Variants in SMPD1 observed in about 807,000 individuals in gnomAD.
The protein encoded by SMPD1 is sphingomyelin phosphodiesterase 1.
Under a neutral mutation model 49.7 loss-of-function variants are expected in SMPD1, and 47 were observed. The observed-to-expected ratio is 0.95, with a 90% CI of 0.75 to 1.21. SMPD1 has a LOEUF of 1.21. Among genes scored for constraint, SMPD1 ranks in the 50% most tolerant of loss-of-function variants. The pLI is 0.00. For synonymous variants in SMPD1, 336 were observed against 339.6 expected (o/e 0.99, Z 0.12); for missense variants, 811 against 822.2 (o/e 0.99, Z 0.17).
Position 6,390,614 on chromosome 11 carries a change from G to A in SMPD1, c.16G>A (p.Ala6Thr), listed in dbSNP as rs1357318633. 4 of 1,612,470 alleles carry A rather than the reference G, an allele frequency of 2.5e-6. No individual in the cohort carries two copies. ...AAGCGCGACAATGCCCCGCTACGGAGCGTCACTCCGCCAGAGCTGCCCCAG... is the reference window on the plus strand; with the variant it reads ...AAGCGCGACAATGCCCCGCTACGGAACGTCACTCCGCCAGAGCTGCCCCAG... Reference protein sequence around the residue: MPRYGASLRQSCPRSG... With the variant: MPRYGTSLRQSCPRSG... The change falls in exon 1 of 6, where the codon GCG becomes ACG. Residue 6 changes from alanine (A) to threonine (T), a missense_variant. Coordinates refer to ENST00000342245, the MANE Select transcript of SMPD1 (RefSeq NM_000543.5).
chr11:6,391,632 A>G lies in SMPD1; in HGVS notation c.567A>G (p.Lys189=), dbSNP rs750187574. Residue 189 remains lysine (K), a synonymous_variant, in exon 2 of 6, where the codon AAA becomes AAG. Transcript: ENST00000342245. ...CTACTGTGCCGAAGCCGCCCCCCAA[A>G]CCCCCTAGCCCCCCAGCCCCAGGTG... ...SLPTVPKPPP[K]PPSPPAPGAP... is the part of the protein sequence containing the mutation. 126 of 1,497,818 alleles carry G rather than the reference A, an allele frequency of 8.4e-5. 1 individual carries two copies. The South Asian group carries it at 8.4e-4, about 10-fold the overall frequency. The allele number at this position is 1,497,818 out of a possible 1,614,324, so 92.8% of individuals were successfully genotyped here.
At position 6,394,890 on chromosome 11, in the gene SMPD1, CAG is replaced by C; in HGVS notation, c.*284_*285del. On this transcript the variant is annotated 3_prime_UTR_variant, in exon 6 of 6. Coordinates refer to ENST00000342245, the MANE Select transcript of SMPD1 (RefSeq NM_000543.5). ...TTGACACTGCCCTGGGCAGACAAGA[CAG>C]GAGCTGTCGCCCCAGGCCTGTGCTG... 1 of 510,932 alleles carries C rather than the reference CAG, an allele frequency of 2.0e-6. No individual in the cohort carries two copies. The highest frequency in any genetic ancestry group is 3.5e-6 in the Non-Finnish European group (1 of 282,858). 31.6% of individuals were successfully genotyped at this position (510,932 alleles called of 1,614,324 possible). A position where few individuals can be genotyped will look rare whatever the true frequency, so the allele number is the denominator to read the frequency against.
chr11:6,394,438 A>T lies in SMPD1; in HGVS notation c.1727A>T (p.Tyr576Phe). ...CTTTTCCAGACCTTCTGGTTTCTCT[A>T]CCATAAGGGCCACCCACCCTCGGAG... ...MQLFQTFWFL[Y>F]HKGHPPSEPC... Residue 576 changes from tyrosine (Y) to phenylalanine (F), a missense_variant, in exon 6 of 6, where the codon TAC (tyrosine) becomes TTC (phenylalanine). By Grantham distance (22) the Tyr-to-Phe change is conservative. Transcript: ENST00000342245. 2 of 1,614,136 alleles carry T rather than the reference A, an allele frequency of 1.2e-6. No individual in the cohort carries two copies. Among genetic ancestry groups the T allele is most frequent in the Non-Finnish European group, 1.7e-6 (2 of 1,180,018 alleles).
chr11:6,394,652 G>A lies in SMPD1; in HGVS notation c.*45G>A, dbSNP rs8164. 217,128 of 1,531,524 alleles carry A rather than the reference G, an allele frequency of 0.14. 16,955 individuals are homozygous for A. The highest frequency in any genetic ancestry group is 0.28 in the African/African-American group (20,257 of 73,598). 94.9% of individuals were successfully genotyped at this position (1,531,524 alleles called of 1,614,324 possible). On this transcript the variant is annotated 3_prime_UTR_variant, in exon 6 of 6. Coordinates refer to ENST00000342245, the MANE Select transcript of SMPD1 (RefSeq NM_000543.5). The stretch of plus-strand genomic sequence containing the variant: ...GGGAAAGTTCTTGATGTAGGAAAGG[G>A]TGAAAAAGCCCAAATGCTGCTGTGG...
chr11:6,390,685 A>G lies in SMPD1; in HGVS notation c.87A>G (p.Gly29=), dbSNP rs1193641309. The G allele has an allele frequency of 6.2e-7, 1 of 1,609,122 alleles. No individual in the cohort carries two copies. Among genetic ancestry groups the G allele is most frequent in the Non-Finnish European group, 8.5e-7 (1 of 1,177,726 alleles). ...AAGACGGGACCGCCGGAGCCCCCGG[A>G]CTCCTTTGGATGGGCCTGGTGCTGG... ...QGQDGTAGAP[G]LLWMGLVLAL... Residue 29 remains glycine, a synonymous_variant, in exon 1 of 6, where the codon GGA becomes GGG. Coordinates refer to ENST00000342245, the MANE Select transcript of SMPD1 (RefSeq NM_000543.5).
chr11:6,393,578 C>A, intron 3 of SMPD1, 39 bp from the exon 4 acceptor site: 1 of 1,545,900 alleles, frequency 6.5e-7, no homozygotes, highest in South Asian at 1.1e-5. Flanking sequence ...GCCTGGACCC[C>A]TGGATGCCCT....
At chr11:6,393,495 G>C (rs996739207) in intron 3 of SMPD1, 108 bp downstream of exon 3, 2 of 1,416,078 alleles carry the variant, frequency 1.4e-6, no homozygotes, top group African/African-American at 2.8e-5. Context: ...TTCCCAACAA[G>C]TGTTCCCTGG....
chr11:6,394,179 C>T lies in SMPD1; in HGVS notation c.1487-19C>T, dbSNP rs781427826. The T allele has an allele frequency of 6.2e-7, 1 of 1,614,086 alleles. No homozygotes were observed. The highest frequency in any genetic ancestry group is 1.1e-5 in the South Asian group (1 of 91,034). On this transcript the variant is annotated intron_variant, in intron 5 of 5. Transcript: ENST00000342245. ...TACCCTTGCTCCTTGCCCCTCCAGT[C>T]AGCCCCACATCCTTGCAGGTTACCG...
rs1554934193 is a variant in SMPD1, at chr11:6,391,574, G to A, written c.509G>A (p.Trp170Ter). The change falls in exon 2 of 6, where the codon TGG (tryptophan) becomes TAG (stop). Residue 170 changes from tryptophan (W) to a stop codon, truncating the protein, a stop_gained. Transcript: ENST00000342245. LOFTEE classifies it high-confidence loss of function. ...CTCCTGGGCTCCACCTGTGGGCACTGGGACATTTTCTCATCTTGGAACATC... is the reference window on the plus strand; with the variant it reads ...CTCCTGGGCTCCACCTGTGGGCACTAGGACATTTTCTCATCTTGGAACATC... Reference protein sequence around the residue: ...GLLLGSTCGHWDIFSSWNISL... With the variant: ...GLLLGSTCGH 6.2e-7 allele frequency: 1 copy of A among 1,613,010 alleles called. No individual in the cohort carries two copies. The highest frequency in any genetic ancestry group is 1.3e-5 in the African/African-American group (1 of 75,054).
Position 6,393,874 on chromosome 11 carries a change from G to C in SMPD1, c.1341-22G>C, listed in dbSNP as rs1288202206. On this transcript the variant is annotated intron_variant, in intron 4 of 5. Transcript: ENST00000342245. ...TTCCTACCCCTCCCTAGAATCTTCT[G>C]AATGTAGTACCTTCTGGCCAGGTAT... is the stretch of plus-strand genomic sequence containing the variant. 1.2e-6 allele frequency: 2 copies of C among 1,613,930 alleles called. No homozygotes were observed. The highest frequency in any genetic ancestry group is 1.7e-6 in the Non-Finnish European group (2 of 1,179,974).
chr11:6,394,634 T>C lies in SMPD1; in HGVS notation c.*27T>C. On this transcript the variant is annotated 3_prime_UTR_variant, in exon 6 of 6. Coordinates refer to ENST00000342245, the MANE Select transcript of SMPD1 (RefSeq NM_000543.5). ...GCCCCAGGGCCCACATTTGGGAAAG[T>C]TCTTGATGTAGGAAAGGGTGAAAAA... The C allele has an allele frequency of 6.3e-7, 1 of 1,586,824 alleles. No homozygotes were observed. Among genetic ancestry groups the C allele is most frequent in the Non-Finnish European group, 8.6e-7 (1 of 1,168,826 alleles).
At chr11:6,391,245 A>G (rs923089249) in intron 1 of SMPD1, 139 bp from the exon 2 acceptor site, 1 of 839,078 alleles carries the variant, frequency 1.2e-6, no homozygotes. Context: ...CTGGAAGGCA[A>G]AGGTGTGCAC....
At position 6,393,737 on chromosome 11, in the gene SMPD1, T is replaced by C. The variant is rs375726211; in HGVS notation, c.1340+44T>C. ...TGGGAATAGGGACAGGGTGAGTGTC[T>C]GAAGGCTGAAAATTCCCTTGAGCAT... On this transcript the variant is annotated intron_variant, in intron 4 of 5. Transcript: ENST00000342245. The C allele has an allele frequency of 1.1e-5, 18 of 1,578,968 alleles. 1 individual carries two copies. In the South Asian group the frequency reaches 1.8e-4, roughly 16 times the overall value.
In SMPD1 at chr11:6,392,013, T is replaced by G. The variant is rs764694813; in HGVS notation, c.948T>G (p.Pro316=). The stretch of plus-strand genomic sequence containing the variant: ...TCCTGGGGCCAGTGCCAGTGTACCC[T>G]GCTGTGGGTAACCATGAAAGCACAC... ...RKFLGPVPVY[P]AVGNHESTPV... is the part of the protein sequence containing the mutation. Residue 316 remains proline (P), a synonymous_variant, in exon 2 of 6, where the codon CCT becomes CCG. Transcript: ENST00000342245. The G allele has an allele frequency of 1.2e-6, 2 of 1,614,182 alleles. No homozygotes were observed. The highest frequency in any genetic ancestry group is 1.7e-6 in the Non-Finnish European group (2 of 1,180,024).
Position 6,391,693 on chromosome 11 carries a change from C to CA in SMPD1, c.629dup (p.His210GlnfsTer5). The CA allele has an allele frequency of 6.2e-7, 1 of 1,609,624 alleles. No homozygotes were observed. The highest frequency in any genetic ancestry group is 8.5e-7 in the Non-Finnish European group (1 of 1,179,296). ...CCGCATCCTCTTCCTCACTGACCTG[C>CA]ACTGGGATCATGACTACCTGGAGGG... On this transcript the variant is annotated frameshift_variant, in exon 2 of 6. Coordinates refer to ENST00000342245, the MANE Select transcript of SMPD1 (RefSeq NM_000543.5). LOFTEE classifies it high-confidence loss of function.
In SMPD1 at chr11:6,390,923, A is replaced by T. The variant is rs747913628; in HGVS notation, c.318+7A>T. The T allele has an allele frequency of 6.2e-7, 1 of 1,614,012 alleles. No homozygotes were observed. Among genetic ancestry groups the T allele is most frequent in the East Asian group, 2.2e-5 (1 of 44,878 alleles). ...CATCAACCTCGGGCTGAAGGTGAGC[A>T]CTGAAGGGGCTGCAGTGGAGGAGGC... On this transcript the variant is annotated splice_region_variant and intron_variant, in intron 1 of 5. Transcript: ENST00000342245.
Position 6,390,756 on chromosome 11 carries a change from G to C in SMPD1, c.158G>C (p.Arg53Pro). 2 of 1,612,488 alleles carry C rather than the reference G, an allele frequency of 1.2e-6. No individual in the cohort carries two copies. Among genetic ancestry groups the C allele is most frequent in the Non-Finnish European group, 1.7e-6 (2 of 1,179,126 alleles). ...LALALALSDSRVLWAPAEAHP... is the reference protein window; with the variant it reads ...LALALALSDSPVLWAPAEAHP... ...CTGGCGCTGGCTCTGTCTGACTCTC[G>C]GGTTCTCTGGGCTCCGGCAGAGGCT... Residue 53 changes from arginine (R) to proline (P), a missense_variant, in exon 1 of 6, where the codon CGG becomes CCG. Physicochemically the swap from Arg to Pro is moderately radical, Grantham distance 103. Coordinates refer to ENST00000342245, the MANE Select transcript of SMPD1 (RefSeq NM_000543.5).
Position 6,392,002 on chromosome 11 carries a change from C to T in SMPD1, c.937C>T (p.Pro313Ser), listed in dbSNP as rs149991096. Residue 313 changes from proline (P) to serine (S), a missense_variant, in exon 2 of 6, where the codon CCA becomes TCA. Physicochemically the swap from Pro to Ser is moderately conservative, Grantham distance 74. Transcript: ENST00000342245. Reference protein sequence around the residue: ...ALVRKFLGPVPVYPAVGNHES... With the variant: ...ALVRKFLGPVSVYPAVGNHES... Reference sequence around the variant, plus strand: ...TGTGAGGAAGTTCCTGGGGCCAGTGCCAGTGTACCCTGCTGTGGGTAACCA... The same window carrying T: ...TGTGAGGAAGTTCCTGGGGCCAGTGTCAGTGTACCCTGCTGTGGGTAACCA... The T allele has an allele frequency of 1.2e-6, 2 of 1,614,212 alleles. No individual in the cohort carries two copies. The highest frequency in any genetic ancestry group is 1.7e-6 in the Non-Finnish European group (2 of 1,180,036).
rs191446779 is a variant in SMPD1, at chr11:6,392,920, T to A, written c.1092-296T>A. Among the ~76,000 whole-genome samples, 10 of 152,272 alleles carry A rather than the reference T, an allele frequency of 6.6e-5. No homozygotes were observed. The East Asian group carries it at 1.9e-3, about 29-fold the overall frequency. On this transcript the variant is annotated intron_variant, in intron 2 of 5. Transcript: ENST00000342245. ...TCTGGAAATGATTTCCCCCTTTTTT[T>A]TAAGTGCTCCAGTTTTTCCCACCTT... is the stretch of plus-strand genomic sequence containing the variant.
Sources: allele counts gnomAD v4.1 joint callset (sites outside exome capture counted in the v4.1 genomes callset), GRCh38; gene constraint gnomAD v4.1.1; transcripts MANE v1.5; gene names NCBI Gene and HGNC (gene_info 2026-07-23, HGNC 2026-07-21).